The following SPTLC3 variants were observed in gnomAD, a reference collection of about 807,000 sequenced individuals.
The protein encoded by SPTLC3 is serine palmitoyltransferase 3.
Under a neutral mutation model 59.3 loss-of-function variants are expected in SPTLC3, and 36 were observed. The ratio of observed to expected loss-of-function variants is 0.61; its 90% confidence interval spans 0.47 to 0.80. SPTLC3 has a LOEUF of 0.80. Ranked by LOEUF, SPTLC3 falls within the 30% of genes least tolerant of loss-of-function variation. The pLI, the probability that SPTLC3 is intolerant of heterozygous loss-of-function variation, is 0.00. For missense variants in SPTLC3, 625 were observed against 685.1 expected (o/e 0.91, Z 0.98); for synonymous variants, 257 against 240.8 (o/e 1.07, Z -0.62).
In SPTLC3 at chr20:13,168,918, G is replaced by A. The variant is rs534970012; in HGVS notation, c.*4051G>A. 2 of 151,968 alleles carry A rather than the reference G, an allele frequency of 1.3e-5. No individual in the cohort carries two copies. The highest frequency in any genetic ancestry group is 4.2e-4 in the South Asian group (2 of 4,800). 9.4% of individuals were successfully genotyped at this position (151,968 alleles called of 1,614,324 possible). A position where few individuals can be genotyped will look rare whatever the true frequency, so the allele number is the denominator to read the frequency against. On this transcript the variant is annotated 3_prime_UTR_variant, in exon 12 of 12. Coordinates refer to ENST00000399002, the MANE Select transcript of SPTLC3 (RefSeq NM_018327.4). Reference sequence around the variant, plus strand: ...TTTTAGGTAATTATTGCGGGACATTGTCTTATGGTGTCCTGATGTACGTGG... The same window carrying A: ...TTTTAGGTAATTATTGCGGGACATTATCTTATGGTGTCCTGATGTACGTGG...
intron 7 of SPTLC3, among the ~76,000 whole-genome samples, chr20:13,114,286 G>A (rs1254097021): frequency 5.3e-5 from 8 of 152,162 alleles, no homozygotes; most frequent in African/African-American, 1.9e-4. Context: ...TCAGTGTTCT[G>A]AACTGTATGT....
At chr20:13,133,551 A>G (rs113094705) in intron 9 of SPTLC3, among the ~76,000 whole-genome samples, 1 of 152,078 alleles carries the variant, frequency 6.6e-6, no homozygotes, top group African/African-American at 2.4e-5. Flanking sequence ...CTGGCCAACA[A>G]GGCAAAACCC....
At chr20:13,106,383 T>C (rs1340964554) in intron 6 of SPTLC3, among the ~76,000 whole-genome samples, 1 of 151,826 alleles carries the variant, frequency 6.6e-6, no homozygotes. Context: ...TCGCGATGAG[T>C]GCTTAAAAAA....
chr20:13,020,927 A>G (rs1985848268), intron 1 of SPTLC3, among the ~76,000 whole-genome samples: 1 of 152,176 alleles, frequency 6.6e-6, no homozygotes, highest in South Asian at 2.1e-4. Flanking sequence ...TAGTCAATAA[A>G]TGATTATTAT....
intron 6 of SPTLC3, among the ~76,000 whole-genome samples, chr20:13,105,703 C>T (rs1989850561): frequency 6.6e-6 from 1 of 152,114 alleles, no homozygotes; most frequent in African/African-American, 2.4e-5. Flanking sequence ...CCAGTGTCGT[C>T]GGAGCCACAT....
At chr20:13,100,013 G>A (rs1364996942) in intron 6 of SPTLC3, among the ~76,000 whole-genome samples, 1 of 152,180 alleles carries the variant, frequency 6.6e-6, no homozygotes, top group East Asian at 1.9e-4. Context: ...ACTGTCCTCT[G>A]CTTCATGTCC....
At chr20:13,149,803 A>G (rs916675821) in intron 9 of SPTLC3, among the ~76,000 whole-genome samples, 2 of 152,262 alleles carry the variant, frequency 1.3e-5, no homozygotes, top group Non-Finnish European at 2.9e-5. Flanking sequence ...GGGTTAATCA[A>G]GGAAGTAGGG....
intron 8 of SPTLC3, among the ~76,000 whole-genome samples, chr20:13,120,633 T>C (rs959109004): frequency 6.6e-6 from 1 of 152,204 alleles, no homozygotes; most frequent in Non-Finnish European, 1.5e-5. Flanking sequence ...GAGTTTTATA[T>C]ATTAGCAACC....
chr20:13,025,097 A>G (rs1986077775), intron 1 of SPTLC3, among the ~76,000 whole-genome samples: 1 of 152,174 alleles, frequency 6.6e-6, no homozygotes, highest in Non-Finnish European at 1.5e-5. Context: ...CATGTAGAAA[A>G]CTTCCTTTTC....
At chr20:13,157,636 A>T (rs76025805) in intron 10 of SPTLC3, among the ~76,000 whole-genome samples, 139 of 152,130 alleles carry the variant, frequency 9.1e-4, no homozygotes, top group African/African-American at 3.2e-3. Flanking sequence ...ATCATTGGTG[A>T]TTCAAAAGGC....
chr20:13,149,190 T>C (rs111601315), intron 9 of SPTLC3, among the ~76,000 whole-genome samples: 2,834 of 152,326 alleles, frequency 0.019, 54 homozygotes, highest in South Asian at 0.03. Flanking sequence ...GTAGGGACTT[T>C]CCCTGACTTC....
intron 1 of SPTLC3, among the ~76,000 whole-genome samples, chr20:13,031,832 T>C (rs1042230470): frequency 1.2e-4 from 19 of 152,336 alleles, no homozygotes; most frequent in Non-Finnish European, 2.4e-4. Context: ...GTCTTAAAGA[T>C]CTAACTTTTA....
chr20:13,048,836 C>A, intron 1 of SPTLC3, 109 bp from the exon 2 acceptor site: 1 of 1,000,042 alleles, frequency 1.0e-6, no homozygotes, highest in Non-Finnish European at 1.4e-6. Context: ...TATTTACAAT[C>A]TTAAATATGG....
intron 1 of SPTLC3, among the ~76,000 whole-genome samples, chr20:13,028,716 G>A (rs78364495): frequency 0.055 from 8,360 of 152,090 alleles, 270 homozygotes; most frequent in South Asian, 0.084. Flanking sequence ...ATTCTTCTCT[G>A]CTGGTTTTGC....
intron 4 of SPTLC3, among the ~76,000 whole-genome samples, chr20:13,087,490 C>A (rs1285832521): frequency 2.6e-5 from 4 of 152,172 alleles, no homozygotes; most frequent in Admixed American, 2.0e-4. Flanking sequence ...GGCTAGTCAC[C>A]TTGTTGCCTA....
chr20:13,136,604 C>CATAT (rs113062136), intron 9 of SPTLC3, among the ~76,000 whole-genome samples: 20,223 of 135,916 alleles, frequency 0.15, 1,466 homozygotes, highest in East Asian at 0.23. Flanking sequence ...CATCTAAAAA[C>CATAT]ATATATATAT....
At chr20:13,038,857 C>T (rs1043047565) in intron 1 of SPTLC3, among the ~76,000 whole-genome samples, 1 of 152,042 alleles carries the variant, frequency 6.6e-6, no homozygotes, top group African/African-American at 2.4e-5. Flanking sequence ...TTTTATTTAT[C>T]TCAAAGTGTC....
At chr20:13,128,326 G>A (rs575466410) in intron 9 of SPTLC3, among the ~76,000 whole-genome samples, 1 of 152,270 alleles carries the variant, frequency 6.6e-6, no homozygotes, top group East Asian at 1.9e-4. Context: ...GGGAGGTTTT[G>A]CCACCATAAC....
At chr20:13,055,512 G>A (rs898886554) in intron 2 of SPTLC3, among the ~76,000 whole-genome samples, 1 of 152,044 alleles carries the variant, frequency 6.6e-6, no homozygotes, top group Non-Finnish European at 1.5e-5. Flanking sequence ...CAGAGCACAG[G>A]GACAAAGGCT....
Sources: allele counts gnomAD v4.1 joint callset (sites outside exome capture counted in the v4.1 genomes callset), GRCh38; gene constraint gnomAD v4.1.1; transcripts MANE v1.5; gene names NCBI Gene and HGNC (gene_info 2026-07-23, HGNC 2026-07-21).